The following TASP1 variants were observed in gnomAD, a reference collection of about 807,000 sequenced individuals.
TASP1 encodes threonine aspartase 1.
In TASP1, 16 loss-of-function variants were observed where a neutral mutation model predicts 56.6. The observed-to-expected ratio is 0.28, with a 90% confidence interval of 0.19 to 0.43. The LOEUF (loss-of-function observed/expected upper bound fraction) is 0.43. TASP1 is among the 20% of genes least tolerant of loss of function. The pLI is 1.00. For synonymous variants in TASP1, 179 were observed against 184.2 expected (o/e 0.97, Z 0.23); for missense variants, 393 against 511.6 (o/e 0.77, Z 2.24).
chr20:13,221,462 C>T, the TASP1 span, among the ~76,000 whole-genome samples: 2 of 145,916 alleles, frequency 1.4e-5, no homozygotes, highest in Non-Finnish European at 3.1e-5. Context: ...GACCCAGTCT[C>T]CGTCTCCGCC....
At chr20:13,393,518 C>T in intron 13 of TASP1, 2 of 793,994 alleles carry the variant, frequency 2.5e-6, no homozygotes, top group Non-Finnish European at 4.4e-6. Context: ...ACCAGATTGT[C>T]TCCTCCAACA....
chr20:13,625,579 G>A (rs2048860698), intron 2 of TASP1, among the ~76,000 whole-genome samples: 1 of 152,226 alleles, frequency 6.6e-6, no homozygotes, highest in Non-Finnish European at 1.5e-5. Flanking sequence ...TAACCCAGAA[G>A]GTGTCGGGGA....
At chr20:13,160,794 T>C in the TASP1 span, among the ~76,000 whole-genome samples, 1 of 152,166 alleles carries the variant, frequency 6.6e-6, no homozygotes, top group African/African-American at 2.4e-5. Context: ...GCAACACATA[T>C]AATACCAGAC....
intron 4 of TASP1, among the ~76,000 whole-genome samples, chr20:13,593,847 G>A (rs1281739266): frequency 1.3e-5 from 2 of 152,220 alleles, no homozygotes; most frequent in Non-Finnish European, 2.9e-5. Flanking sequence ...AAAGAGAGCA[G>A]TGGTTCTCCC....
At chr20:13,468,229 C>T (rs570491805) in intron 11 of TASP1, among the ~76,000 whole-genome samples, 99 of 152,008 alleles carry the variant, frequency 6.5e-4, no homozygotes, top group Non-Finnish European at 1.3e-3. Context: ...TCTGAGCTTA[C>T]CCAATTTGAA....
At chr20:13,495,722 T>C (rs2043696876) in intron 10 of TASP1, among the ~76,000 whole-genome samples, 1 of 152,110 alleles carries the variant, frequency 6.6e-6, no homozygotes. Flanking sequence ...TAAGAAATAA[T>C]AACAGGAAAA....
intron 11 of TASP1, among the ~76,000 whole-genome samples, chr20:13,470,284 G>A (rs778799189): frequency 1.3e-5 from 2 of 152,026 alleles, no homozygotes; most frequent in Non-Finnish European, 2.9e-5. Flanking sequence ...CACTCTGAGA[G>A]GTATTTCAGA....
At chr20:13,403,965 C>T (rs139490600) in intron 13 of TASP1, among the ~76,000 whole-genome samples, 9 of 152,244 alleles carry the variant, frequency 5.9e-5, no homozygotes, top group South Asian at 2.1e-4. Flanking sequence ...ATTTTACACA[C>T]AATAAAGTGC....
the TASP1 span, among the ~76,000 whole-genome samples, chr20:13,331,750 C>T: frequency 6.6e-6 from 1 of 150,866 alleles, no homozygotes; most frequent in South Asian, 2.1e-4. Context: ...GGAAATTCCA[C>T]AGTGCTTTTT....
chr20:13,611,035 G>C (rs1250702219), intron 4 of TASP1, among the ~76,000 whole-genome samples: 1 of 152,190 alleles, frequency 6.6e-6, no homozygotes, highest in African/African-American at 2.4e-5. Flanking sequence ...AAATTAGATG[G>C]ACTGGAGAAA....
chr20:13,186,301 CG>C, the TASP1 span, among the ~76,000 whole-genome samples: 4 of 152,176 alleles, frequency 2.6e-5, no homozygotes, highest in Non-Finnish European at 4.4e-5. Flanking sequence ...CCTACTTTCC[CG>C]GGGGGAAAAA....
At chr20:13,514,348 T>G (rs910208621) in intron 10 of TASP1, among the ~76,000 whole-genome samples, 2 of 152,034 alleles carry the variant, frequency 1.3e-5, no homozygotes, top group Non-Finnish European at 2.9e-5. Context: ...AAACAAGAAC[T>G]CCTCAGCATT....
chr20:13,143,461 G>T, the TASP1 span, among the ~76,000 whole-genome samples: 1 of 152,096 alleles, frequency 6.6e-6, no homozygotes, highest in Non-Finnish European at 1.5e-5. Flanking sequence ...TCCTTGTCAT[G>T]ATTCCCATTT....
In TASP1 at chr20:13,596,142, G is replaced by A. The variant is rs1301372375; in HGVS notation, c.283-8772C>T. ...AATCCCAGCACTTTGGGAGGCCGAG[G>A]AGGGCAGATCACCTGAGGTCGGGAG... On this transcript the variant is annotated intron_variant, in intron 4 of 13. Transcript: ENST00000337743. 5.3e-5 allele frequency among the ~76,000 whole-genome samples: 8 copies of A among 152,240 alleles called. No homozygotes were observed. The East Asian group carries it at 1.5e-3, about 29-fold the overall frequency.
intron 5 of TASP1, among the ~76,000 whole-genome samples, chr20:13,582,544 C>T (rs1247655979): frequency 6.6e-6 from 1 of 151,738 alleles, no homozygotes; most frequent in African/African-American, 2.4e-5. Context: ...AGTTATTTAC[C>T]CTGCAAGATA....
At chr20:13,142,507 G>C in the TASP1 span, among the ~76,000 whole-genome samples, 1 of 152,220 alleles carries the variant, frequency 6.6e-6, no homozygotes. Context: ...GATTAGGCAG[G>C]TGGATTTGTG....
intron 11 of TASP1, among the ~76,000 whole-genome samples, chr20:13,474,185 T>C (rs971884484): frequency 5.9e-5 from 9 of 152,216 alleles, no homozygotes; most frequent in Non-Finnish European, 8.8e-5. Context: ...TTGAGTTACA[T>C]GAATACATTC....
At chr20:13,350,767 C>G in the TASP1 span, among the ~76,000 whole-genome samples, 1 of 152,000 alleles carries the variant, frequency 6.6e-6, no homozygotes, top group African/African-American at 2.4e-5. Context: ...TCATAGCTCA[C>G]TACAGCCTTG....
At chr20:13,159,672 T>C in the TASP1 span, among the ~76,000 whole-genome samples, 3 of 152,244 alleles carry the variant, frequency 2.0e-5, no homozygotes, top group African/African-American at 7.2e-5. Flanking sequence ...ATGGATTTTA[T>C]ATCACTGCAG....
Sources: allele counts gnomAD v4.1 joint callset (sites outside exome capture counted in the v4.1 genomes callset), GRCh38; gene constraint gnomAD v4.1.1; transcripts MANE v1.5; gene names NCBI Gene and HGNC (gene_info 2026-07-23, HGNC 2026-07-21).